Variants in ZNF536 observed in about 807,000 individuals in gnomAD.
The protein encoded by ZNF536 is zinc finger protein 536.
ZNF536 carries 13 observed loss-of-function variants against 84.5 expected under a neutral mutation model. The ratio of observed to expected loss-of-function variants is 0.15; its 90% confidence interval spans 0.10 to 0.24. ZNF536 has a LOEUF of 0.24. ZNF536 is among the 10% of genes least tolerant of loss of function. The pLI is 1.00. For missense variants in ZNF536, 1,536 were observed against 1,747.5 expected, an observed-to-expected ratio of 0.88 and a Z score of 2.16; for synonymous variants, 811 against 742.5, an observed-to-expected ratio of 1.09 and a Z score of -1.50.
At chr19:30,483,644 G>A (rs1277421809) in intron 2 of ZNF536, among the ~76,000 whole-genome samples, 1 of 152,114 alleles carries the variant, frequency 6.6e-6, no homozygotes, top group Admixed American at 6.5e-5. Flanking sequence ...AGGTCTTCAT[G>A]GGTTTCCCTC....
At chr19:30,578,449 T>C (rs771228981) in intron 1 of ZNF536, among the ~76,000 whole-genome samples, 12 of 152,232 alleles carry the variant, frequency 7.9e-5, no homozygotes, top group Non-Finnish European at 1.8e-4. Context: ...GGTCTTCCTG[T>C]TCCAGTTCTT....
chr19:30,364,073 A>G (rs187025788), intron 3 of ZNF536, among the ~76,000 whole-genome samples: 3 of 152,330 alleles, frequency 2.0e-5, no homozygotes, highest in South Asian at 2.1e-4. Context: ...AGGATATAGC[A>G]TAAGAGCAGG....
Position 30,353,433 on chromosome 19 carries a change from G to A in ZNF536, c.-3+949G>A, listed in dbSNP as rs552903944. Among the ~76,000 whole-genome samples the A allele has an allele frequency of 4.6e-5, 7 of 152,214 alleles. No individual in the cohort carries two copies. The South Asian group carries it at 1.5e-3, about 32-fold the overall frequency. On this transcript the variant is annotated intron_variant, in intron 3 of 5. Transcript: ENST00000585628. The stretch of plus-strand genomic sequence containing the variant: ...AAGTGTTGATTTCACACTGTGGTGA[G>A]TGTTTTCCGTCAGTTTCTTGGTGGG...
chr19:30,504,497 A>G (rs1414696012), intron 2 of ZNF536, among the ~76,000 whole-genome samples: 1 of 20,056 alleles, frequency 5.0e-5, no homozygotes, highest in Non-Finnish European at 9.7e-5. Flanking sequence ...CCTCCCTCCC[A>G]CCTTCCCTCC....
At chr19:30,509,337 TATG>T (rs1366832592) in intron 2 of ZNF536, among the ~76,000 whole-genome samples, 1 of 148,344 alleles carries the variant, frequency 6.7e-6, no homozygotes, top group Non-Finnish European at 1.5e-5. Context: ...ATGTATAAGA[TATG>T]ATTATAATTA....
intron 1 of ZNF536, among the ~76,000 whole-genome samples, chr19:30,257,771 A>G (rs2024987649): frequency 6.6e-6 from 1 of 152,242 alleles, no homozygotes; most frequent in African/African-American, 2.4e-5. Context: ...TACCTTCAGC[A>G]AGCTGATGCT....
intron 2 of ZNF536, among the ~76,000 whole-genome samples, chr19:30,289,693 C>A (rs189081976): frequency 5.9e-4 from 90 of 152,266 alleles, no homozygotes; most frequent in African/African-American, 1.9e-3. Flanking sequence ...TTTCTTCAGT[C>A]GCCTCTGAGC....
At chr19:30,334,889 C>T (rs980812265) in intron 2 of ZNF536, among the ~76,000 whole-genome samples, 9 of 152,322 alleles carry the variant, frequency 5.9e-5, no homozygotes, top group South Asian at 2.1e-4. Flanking sequence ...CCCTTGCATG[C>T]GCAGTTCACA....
At chr19:30,540,010 C>T (rs2045265795) in intron 3 of ZNF536, among the ~76,000 whole-genome samples, 1 of 152,216 alleles carries the variant, frequency 6.6e-6, no homozygotes, top group Admixed American at 6.5e-5. Flanking sequence ...TTTCTTCTCC[C>T]TCTCGAGTTC....
chr19:30,633,557 C>G (rs1479853004), intron 1 of ZNF536, among the ~76,000 whole-genome samples: 2 of 152,160 alleles, frequency 1.3e-5, no homozygotes, highest in African/African-American at 2.4e-5. Context: ...CTTCTGGTAA[C>G]CACCATTCTG....
intron 2 of ZNF536, among the ~76,000 whole-genome samples, chr19:30,490,613 C>T (rs2054469925): frequency 6.6e-6 from 1 of 152,056 alleles, no homozygotes; most frequent in African/African-American, 2.4e-5. Context: ...GCATTTTCTT[C>T]CTTCTCCCAC....
chr19:30,435,700 C>T (rs1600718838), intron 1 of ZNF536, among the ~76,000 whole-genome samples: 1 of 152,102 alleles, frequency 6.6e-6, no homozygotes, highest in African/African-American at 2.4e-5. Context: ...GTCTTCTTTC[C>T]ATCCCCAGCA....
At chr19:30,414,547 A>G (rs1179776062) in intron 1 of ZNF536, among the ~76,000 whole-genome samples, 4 of 152,116 alleles carry the variant, frequency 2.6e-5, no homozygotes, top group Admixed American at 2.0e-4. Flanking sequence ...TTAATTTCTG[A>G]CACATTTTAA....
chr19:30,292,366 T>A (rs1485375982), intron 2 of ZNF536, among the ~76,000 whole-genome samples: 2 of 151,850 alleles, frequency 1.3e-5, no homozygotes, highest in Non-Finnish European at 2.9e-5. Context: ...GAGACAGGGT[T>A]TCACTGTTGC....
At chr19:30,388,874 A>G (rs1293308595) in intron 1 of ZNF536, among the ~76,000 whole-genome samples, 1 of 152,158 alleles carries the variant, frequency 6.6e-6, no homozygotes, top group Non-Finnish European at 1.5e-5. Flanking sequence ...GCCCTTCTAC[A>G]TCTCATTCAG....
At position 30,530,819 on chromosome 19, in the gene ZNF536, G is replaced by A. The variant is rs115433319; in HGVS notation, c.2171-4028G>A. ...GGCAGACGCCAGTGCTTTTATACTCGGGGTAGAGAAGGAATCCAAGAGCAG... is the reference window on the plus strand; with the variant it reads ...GGCAGACGCCAGTGCTTTTATACTCAGGGTAGAGAAGGAATCCAAGAGCAG... On this transcript the variant is annotated intron_variant, in intron 2 of 4. Transcript: ENST00000355537. Among the ~76,000 whole-genome samples, 896 of 152,268 alleles carry A rather than the reference G, an allele frequency of 5.9e-3. 11 individuals are homozygous for A. The highest frequency in any genetic ancestry group is 0.021 in the African/African-American group (870 of 41,530).
intron 2 of ZNF536, among the ~76,000 whole-genome samples, chr19:30,529,098 T>A (rs1173134090): frequency 6.6e-6 from 1 of 152,114 alleles, no homozygotes; most frequent in Non-Finnish European, 1.5e-5. Flanking sequence ...AGGAAAAGAT[T>A]CTGCCTCCTA....
At chr19:30,491,003 G>A (rs1431571068) in intron 2 of ZNF536, among the ~76,000 whole-genome samples, 1 of 152,044 alleles carries the variant, frequency 6.6e-6, no homozygotes, top group Non-Finnish European at 1.5e-5. Flanking sequence ...AGGTTAGGAG[G>A]CGGGGGAAGG....
chr19:30,286,547 A>AG (rs1491510165), intron 2 of ZNF536, among the ~76,000 whole-genome samples: 2,485 of 92,554 alleles, frequency 0.027, 78 homozygotes, highest in African/African-American at 0.11. Context: ...AGAGAGAGAG[A>AG]AAGAGAGAGA....
Sources: gnomAD v4.1 joint callset for allele counts (sites outside exome capture counted in the v4.1 genomes callset) on GRCh38, gnomAD v4.1.1 for gene constraint, MANE v1.5 for transcripts, NCBI Gene and HGNC (gene_info 2026-07-23, HGNC 2026-07-21) for gene names.